Variants in TMEM114 observed in about 807,000 individuals in gnomAD.
TMEM114 encodes the protein claudin-26.
TMEM114 carries 6 observed loss-of-function variants against 6.2 expected under a neutral mutation model. The observed-to-expected ratio is 0.97, with a 90% CI of 0.53 to 1.91. The LOEUF (loss-of-function observed/expected upper bound fraction) is 1.91, where lower values mean the gene tolerates loss of function less well. Among genes scored for constraint, TMEM114 ranks in the 40% most tolerant of loss-of-function variants. TMEM114 has a pLI of 0.01. For missense variants in TMEM114, 218 were observed against 158.3 expected, an observed-to-expected ratio of 1.38 and a Z score of -2.02; for synonymous variants, 104 against 73.0, an observed-to-expected ratio of 1.42 and a Z score of -2.16.
At chr16:8,530,454 G>C in the TMEM114 span, among the ~76,000 whole-genome samples, 2 of 152,106 alleles carry the variant, frequency 1.3e-5, no homozygotes, top group Non-Finnish European at 2.9e-5. Context: ...AATCTGGGAA[G>C]GACTAGACTG....
chr16:8,560,317 C>T (rs112164918), intron 2 of TMEM114, among the ~76,000 whole-genome samples: 10 of 152,128 alleles, frequency 6.6e-5, no homozygotes, highest in African/African-American at 2.4e-4. Flanking sequence ...ATCTTGGATG[C>T]ATCCTTGACC....
At chr16:8,530,448 T>C in the TMEM114 span, among the ~76,000 whole-genome samples, 1 of 152,002 alleles carries the variant, frequency 6.6e-6, no homozygotes, top group Non-Finnish European at 1.5e-5. Flanking sequence ...TAATCTAATC[T>C]GGGAAGGACT....
intron 2 of TMEM114, among the ~76,000 whole-genome samples, chr16:8,563,730 T>A (rs1385750013): frequency 6.7e-6 from 1 of 150,224 alleles, no homozygotes; most frequent in Non-Finnish European, 1.5e-5. Context: ...AATGAGTCAG[T>A]GAGTGAATGA....
intron 1 of TMEM114, 132 bp downstream of exon 1, chr16:8,589,487 C>A (rs925800847): frequency 2.5e-6 from 1 of 397,960 alleles, no homozygotes; most frequent in African/African-American, 2.1e-5. Flanking sequence ...TCACCTTCCC[C>A]CCGAGTCCCT....
intron 2 of TMEM114, among the ~76,000 whole-genome samples, chr16:8,575,006 C>G (rs757071069): frequency 6.6e-6 from 1 of 152,154 alleles, no homozygotes; most frequent in Non-Finnish European, 1.5e-5. Context: ...GCTCCCATCG[C>G]TAGCCACATC....
intron 2 of TMEM114, among the ~76,000 whole-genome samples, chr16:8,544,459 G>T (rs1252339288): frequency 1.3e-5 from 2 of 152,172 alleles, no homozygotes; most frequent in Non-Finnish European, 2.9e-5. Flanking sequence ...ATATGTAGGG[G>T]TTCACCAGTA....
intron 2 of TMEM114, among the ~76,000 whole-genome samples, chr16:8,548,694 G>GTGTATATATATATA (rs1555461967): frequency 3.6e-5 from 5 of 140,004 alleles, no homozygotes; most frequent in South Asian, 2.1e-4. Flanking sequence ...AAATTGCCAT[G>GTGTATATATATATA]TATATATATA....
intron 2 of TMEM114, among the ~76,000 whole-genome samples, chr16:8,553,242 T>A (rs921502793): frequency 1.3e-5 from 2 of 152,208 alleles, no homozygotes; most frequent in African/African-American, 4.8e-5. Flanking sequence ...TCAAGACCTG[T>A]GATTTAATGG....
At chr16:8,574,578 C>CGTCCTTCTTTCT (rs1567208108) in intron 2 of TMEM114, among the ~76,000 whole-genome samples, 1 of 33,406 alleles carries the variant, frequency 3.0e-5, no homozygotes, top group Non-Finnish European at 5.7e-5. Context: ...TCTTTCCTTC[C>CGTCCTTCTTTCT]TTCCTTCTTT....
intron 2 of TMEM114, among the ~76,000 whole-genome samples, chr16:8,560,631 C>T (rs1246805762): frequency 6.6e-6 from 1 of 152,150 alleles, no homozygotes; most frequent in Non-Finnish European, 1.5e-5. Context: ...ACCCTGGTTT[C>T]TCTCACTATC....
chr16:8,547,774 G>C (rs542934325), intron 2 of TMEM114, among the ~76,000 whole-genome samples: 25 of 152,282 alleles, frequency 1.6e-4, no homozygotes, highest in Admixed American at 6.5e-4. Context: ...TCTGAGTGAA[G>C]TCTCGGGGAA....
At chr16:8,538,496 T>C (rs1470224336) in intron 2 of TMEM114, among the ~76,000 whole-genome samples, 1 of 146,118 alleles carries the variant, frequency 6.8e-6, no homozygotes, top group Non-Finnish European at 1.5e-5. Flanking sequence ...GTGGTTTTTT[T>C]GTTTGTTTGT....
intron 2 of TMEM114, among the ~76,000 whole-genome samples, chr16:8,549,442 GTGAGCCACGAT>G (rs200667137): frequency 0.018 from 2,655 of 149,408 alleles, 91 homozygotes; most frequent in African/African-American, 0.063. Flanking sequence ...AGAGGTTGCA[GTGAGCCACGAT>G]TGAGCCACTT....
chr16:8,557,904 T>A (rs1901066057), intron 2 of TMEM114, among the ~76,000 whole-genome samples: 1 of 152,138 alleles, frequency 6.6e-6, no homozygotes, highest in Non-Finnish European at 1.5e-5. Context: ...CACCACAAAT[T>A]AGGTGGCTTA....
intron 2 of TMEM114, among the ~76,000 whole-genome samples, chr16:8,554,573 T>G (rs1433017588): frequency 1.3e-5 from 2 of 152,196 alleles, no homozygotes; most frequent in Admixed American, 6.5e-5. Context: ...TTGGCTCTGC[T>G]TCTCTTTCGC....
At chr16:8,536,120 G>T (rs1256310578), downstream of TMEM114, among the ~76,000 whole-genome samples, 1 of 151,898 alleles carries the variant, frequency 6.6e-6, no homozygotes, top group African/African-American at 2.4e-5. Context: ...AGCTACTCGG[G>T]AGGCTGAGGC....
the TMEM114 span, among the ~76,000 whole-genome samples, chr16:8,529,837 G>A: frequency 6.6e-6 from 1 of 152,222 alleles, no homozygotes; most frequent in South Asian, 2.1e-4. Context: ...TCTCCCCTAG[G>A]TGATTCTGAG....
chr16:8,586,478 C>T (rs1902326014), intron 2 of TMEM114, among the ~76,000 whole-genome samples: 1 of 151,976 alleles, frequency 6.6e-6, no homozygotes, highest in Admixed American at 6.6e-5. Context: ...CCCTCATCTC[C>T]CTCACTTCCA....
rs147552500 is a variant in TMEM114 at position 8,543,975 on chromosome 16, T to A, written n.213-6149A>T. ...CTGTGATTCATTGGTCAAACTGGCT[T>A]ATGTAATCCAATATTTTCCTTTTTG... On this transcript the variant is annotated intron_variant and non_coding_transcript_variant, in intron 2 of 2. Transcript: ENST00000623677. 1.3e-4 allele frequency among the ~76,000 whole-genome samples: 20 copies of A among 152,354 alleles called. No homozygotes were observed. The East Asian group carries it at 3.1e-3, about 24-fold the overall frequency.
Sources: gnomAD v4.1 joint callset for allele counts (sites outside exome capture counted in the v4.1 genomes callset) on GRCh38, gnomAD v4.1.1 for gene constraint, MANE v1.5 for transcripts, NCBI Gene and HGNC (gene_info 2026-07-23, HGNC 2026-07-21) for gene names.